The following EFCAB13 variants were observed in gnomAD, a reference collection of about 807,000 sequenced individuals.
EFCAB13 encodes EF-hand calcium-binding domain-containing protein 13.
In EFCAB13, 91 loss-of-function variants were observed where a neutral mutation model predicts 110.2. The observed-to-expected ratio is 0.83, with a 90% CI of 0.70 to 0.98. EFCAB13 has a LOEUF of 0.98. EFCAB13 is among the 50% of genes least tolerant of loss of function. EFCAB13 has a pLI of 0.00. For synonymous variants in EFCAB13, 323 were observed against 369.9 expected, an observed-to-expected ratio of 0.87 and a Z score of 1.45; for missense variants, 968 against 1,119.4, an observed-to-expected ratio of 0.86 and a Z score of 1.93.
chr17:47,436,205 A>G (rs1332563225), intron 24 of EFCAB13, among the ~76,000 whole-genome samples: 1 of 152,092 alleles, frequency 6.6e-6, no homozygotes, highest in East Asian at 1.9e-4. Flanking sequence ...TAGCATCTAC[A>G]TTGATCAAGG....
At chr17:47,368,054 A>G (rs978445472) in intron 10 of EFCAB13, among the ~76,000 whole-genome samples, 1 of 152,214 alleles carries the variant, frequency 6.6e-6, no homozygotes, top group African/African-American at 2.4e-5. Flanking sequence ...ATATTATGGC[A>G]ACAAATGCAT....
intron 10 of EFCAB13, among the ~76,000 whole-genome samples, chr17:47,363,948 C>T (rs143335741): frequency 6.6e-6 from 1 of 152,186 alleles, no homozygotes; most frequent in East Asian, 1.9e-4. Context: ...ATTTTAAAGA[C>T]TATTCTTAAG....
chr17:47,325,519 C>T (rs965277038), intron 2 of EFCAB13, among the ~76,000 whole-genome samples: 1 of 152,158 alleles, frequency 6.6e-6, no homozygotes, highest in Non-Finnish European at 1.5e-5. Flanking sequence ...ATCTAGGGGT[C>T]CTCCATGATA....
chr17:47,397,429 G>C (rs1415202638), intron 17 of EFCAB13, among the ~76,000 whole-genome samples: 2 of 151,124 alleles, frequency 1.3e-5, no homozygotes, highest in Admixed American at 6.6e-5. Context: ...CTGCCCGGCC[G>C]CCACCCCGTC....
intron 16 of EFCAB13, among the ~76,000 whole-genome samples, chr17:47,395,508 C>T (rs191848014): frequency 1.3e-5 from 2 of 152,088 alleles, no homozygotes; most frequent in Non-Finnish European, 2.9e-5. Context: ...AGAACAAAAG[C>T]TACTTAATTG....
intron 14 of EFCAB13, among the ~76,000 whole-genome samples, chr17:47,390,689 T>A (rs1240739182): frequency 1.3e-5 from 2 of 152,190 alleles, no homozygotes; most frequent in African/African-American, 4.8e-5. Context: ...GCCACAAAAT[T>A]ATCCAAGTTT....
chr17:47,362,994 T>G (rs2065524793), intron 10 of EFCAB13, among the ~76,000 whole-genome samples: 1 of 152,178 alleles, frequency 6.6e-6, no homozygotes, highest in African/African-American at 2.4e-5. Flanking sequence ...TCTCTTTGTC[T>G]TGTGTCTTTA....
At chr17:47,386,601 A>G (rs1436533557) in intron 14 of EFCAB13, among the ~76,000 whole-genome samples, 1 of 152,036 alleles carries the variant, frequency 6.6e-6, no homozygotes, top group African/African-American at 2.4e-5. Flanking sequence ...GAGCGAGACC[A>G]CTTGGCTCCC....
chr17:47,333,728 A>G (rs1401578221), intron 4 of EFCAB13, among the ~76,000 whole-genome samples: 2 of 152,196 alleles, frequency 1.3e-5, no homozygotes, highest in Non-Finnish European at 2.9e-5. Context: ...CCTTTGTTGA[A>G]AATCAGCTGA....
At chr17:47,346,806 A>G (rs920523528) in intron 8 of EFCAB13, among the ~76,000 whole-genome samples, 6 of 151,938 alleles carry the variant, frequency 3.9e-5, no homozygotes, top group African/African-American at 4.8e-5. Context: ...TTTATACTCA[A>G]TATTTTTTCA....
At chr17:47,428,836 T>G (rs1228204357) in intron 23 of EFCAB13, among the ~76,000 whole-genome samples, 1 of 152,108 alleles carries the variant, frequency 6.6e-6, no homozygotes, top group Non-Finnish European at 1.5e-5. Flanking sequence ...ATTTCTGAAT[T>G]TTTATGATTG....
At chr17:47,439,366 G>A (rs1598772069) in intron 24 of EFCAB13, among the ~76,000 whole-genome samples, 1 of 151,384 alleles carries the variant, frequency 6.6e-6, no homozygotes, top group African/African-American at 2.4e-5. Flanking sequence ...CAGTAGAGAC[G>A]GGGTTTCACC....
chr17:47,391,408 T>C, intron 14 of EFCAB13, 29 bp from the exon 15 acceptor site: 1 of 1,467,208 alleles, frequency 6.8e-7, no homozygotes, highest in Non-Finnish European at 9.0e-7. Context: ...TTATATTTAA[T>C]ACTTATTAGC....
chr17:47,342,054 T>G (rs1567781891), intron 6 of EFCAB13, 22 bp downstream of exon 6: 2 of 1,405,944 alleles, frequency 1.4e-6, no homozygotes, highest in Admixed American at 2.1e-5. Flanking sequence ...TTTGGAAATT[T>G]TTCTTTTACC....
rs765621224 is a variant in EFCAB13 at position 47,344,128 on chromosome 17, C to T, written c.304-34C>T. 6 of 1,602,618 alleles carry T rather than the reference C, an allele frequency of 3.7e-6. No homozygotes were observed. The South Asian group carries it at 4.5e-5, about 12-fold the overall frequency. On this transcript the variant is annotated intron_variant, in intron 6 of 24. Transcript: ENST00000331493. ...AATGCTGAATTACCAGTGTCACTCA[C>T]CTCAGGCACCAACATACTTGCATTT...
At chr17:47,396,415 T>G (rs1326244270) in intron 17 of EFCAB13, among the ~76,000 whole-genome samples, 1 of 146,162 alleles carries the variant, frequency 6.8e-6, no homozygotes, top group Non-Finnish European at 1.5e-5. Flanking sequence ...TTTAGCAAGT[T>G]AAAAAAAAAA....
chr17:47,400,028 A>AGGC (rs1432869126), intron 17 of EFCAB13, among the ~76,000 whole-genome samples: 2 of 152,240 alleles, frequency 1.3e-5, no homozygotes, highest in Non-Finnish European at 2.9e-5. Flanking sequence ...TAGGCATTTA[A>AGGC]GGCCTGGGAC....
intron 4 of EFCAB13, among the ~76,000 whole-genome samples, chr17:47,334,674 G>A (rs903612722): frequency 5.9e-5 from 9 of 152,168 alleles, no homozygotes; most frequent in Non-Finnish European, 1.3e-4. Flanking sequence ...CTAGCACTTT[G>A]GGAGGCTGAG....
intron 14 of EFCAB13, among the ~76,000 whole-genome samples, chr17:47,388,715 C>T (rs1227715198): frequency 2.0e-5 from 3 of 152,090 alleles, no homozygotes; most frequent in Non-Finnish European, 4.4e-5. Flanking sequence ...CTGAAATTAA[C>T]ATTTGTATAC....
Sources: gnomAD v4.1 joint callset for allele counts (sites outside exome capture counted in the v4.1 genomes callset) on GRCh38, gnomAD v4.1.1 for gene constraint, MANE v1.5 for transcripts, NCBI Gene and HGNC (gene_info 2026-07-23, HGNC 2026-07-21) for gene names.